ATRN: variants seen among roughly 807,000 people sequenced by gnomAD.
ATRN encodes attractin-2.
Under a neutral mutation model 178.7 loss-of-function variants are expected in ATRN, and 54 were observed. That is an observed-to-expected ratio of 0.30 (90% confidence interval 0.24 to 0.38). ATRN has a LOEUF of 0.38. Ranked by LOEUF, ATRN falls within the 10% of genes least tolerant of loss-of-function variation. ATRN has a pLI of 1.00. For missense variants in ATRN, 1,443 were observed against 1,815.1 expected (o/e 0.79, Z 3.73); for synonymous variants, 636 against 663.0 (o/e 0.96, Z 0.63).
chr20:3,479,291 G>C (rs1237056184), intron 1 of ATRN, among the ~76,000 whole-genome samples: 3 of 152,136 alleles, frequency 2.0e-5, no homozygotes, highest in Non-Finnish European at 4.4e-5. Context: ...AGGATATGAA[G>C]GTGTGTAAGA....
intron 18 of ATRN, among the ~76,000 whole-genome samples, chr20:3,586,135 A>G (rs1388824447): frequency 5.3e-5 from 8 of 152,250 alleles, no homozygotes; most frequent in Admixed American, 3.9e-4. Context: ...TCATAGCATC[A>G]TGCTCAAAGC....
At chr20:3,489,459 G>A (rs2084750350) in intron 1 of ATRN, 1 of 877,616 alleles carries the variant, frequency 1.1e-6, no homozygotes, top group South Asian at 1.3e-5. Flanking sequence ...GAATTTGGTT[G>A]GGAGAAATAG....
chr20:3,524,108 C>A (rs909863784), intron 1 of ATRN, among the ~76,000 whole-genome samples: 2 of 152,018 alleles, frequency 1.3e-5, no homozygotes, highest in Non-Finnish European at 2.9e-5. Context: ...AAGACACAGA[C>A]TGACAAATTG....
intron 23 of ATRN, among the ~76,000 whole-genome samples, chr20:3,601,697 C>CAAAA (rs11475145): frequency 2.4e-5 from 2 of 84,866 alleles, no homozygotes; most frequent in Admixed American, 1.4e-4. Flanking sequence ...ACCCTGTCTA[C>CAAAA]AAAAAAAAAA....
chr20:3,593,286 G>A (rs948929548), intron 19 of ATRN, among the ~76,000 whole-genome samples: 1 of 152,160 alleles, frequency 6.6e-6, no homozygotes, highest in Non-Finnish European at 1.5e-5. Context: ...AAAGCGTGGT[G>A]TTTATAGAAT....
chr20:3,501,222 A>G (rs2084959997), intron 1 of ATRN, among the ~76,000 whole-genome samples: 1 of 152,204 alleles, frequency 6.6e-6, no homozygotes, highest in South Asian at 2.1e-4. Flanking sequence ...AGGTAGAAAC[A>G]GAGAAGTTGT....
At chr20:3,634,174 T>C in intron 25 of ATRN, 137 bp from the exon 26 acceptor site, 1 of 686,220 alleles carries the variant, frequency 1.5e-6, no homozygotes, top group South Asian at 1.9e-5. Flanking sequence ...GCCGGCACAT[T>C]GTTGTGACAA....
intron 1 of ATRN, among the ~76,000 whole-genome samples, chr20:3,523,123 A>G (rs759481192): frequency 6.6e-6 from 1 of 151,998 alleles, no homozygotes; most frequent in Non-Finnish European, 1.5e-5. Context: ...CCTCCAAGCT[A>G]AAGAAGCATG....
intron 1 of ATRN, among the ~76,000 whole-genome samples, chr20:3,527,201 C>G (rs191205828): frequency 3.0e-4 from 45 of 152,208 alleles, no homozygotes; most frequent in African/African-American, 1.1e-3. Context: ...GACTAATACC[C>G]AGAATCTACA....
In ATRN at chr20:3,565,739, C is replaced by T. The variant is rs554850236; in HGVS notation, c.1871+307C>T. Reference sequence around the variant, plus strand: ...CTTGAACCAGGGAGTTGGAGGTTGCCGTGAGACGAGATCGCGCCACAGCAC... The same window carrying T: ...CTTGAACCAGGGAGTTGGAGGTTGCTGTGAGACGAGATCGCGCCACAGCAC... On this transcript the variant is annotated intron_variant, in intron 11 of 28. Transcript: ENST00000262919. Among the ~76,000 whole-genome samples the T allele has an allele frequency of 1.4e-4, 20 of 140,668 alleles. 1 individual carries two copies. The highest frequency in any genetic ancestry group is 6.7e-4 in the South Asian group (3 of 4,488). The allele number at this position is 140,668 out of a possible 152,430, so 92.3% of individuals were successfully genotyped here. A position where few individuals can be genotyped will look rare whatever the true frequency, so the allele number is the denominator to read the frequency against.
At chr20:3,541,434 ATG>A (rs994026753) in intron 3 of ATRN, among the ~76,000 whole-genome samples, 1 of 151,750 alleles carries the variant, frequency 6.6e-6, no homozygotes, top group African/African-American at 2.4e-5. Context: ...GTTTTGAGAA[ATG>A]TGTTATTAGA....
intron 16 of ATRN, among the ~76,000 whole-genome samples, 162 bp downstream of exon 16, chr20:3,582,516 G>A (rs2086295141): frequency 6.6e-6 from 1 of 152,094 alleles, no homozygotes; most frequent in African/African-American, 2.4e-5. Context: ...GAAGCAGAAG[G>A]AAATATTCTG....
At chr20:3,536,874 T>A (rs2085540696) in intron 2 of ATRN, among the ~76,000 whole-genome samples, 1 of 152,220 alleles carries the variant, frequency 6.6e-6, no homozygotes, top group African/African-American at 2.4e-5. Flanking sequence ...ATAGTCTTCT[T>A]TGATACCATA....
chr20:3,561,795 A>G (rs530403607), intron 8 of ATRN, among the ~76,000 whole-genome samples: 34 of 152,326 alleles, frequency 2.2e-4, no homozygotes, highest in Non-Finnish European at 4.1e-4. Flanking sequence ...TGGCACAATC[A>G]TAGCTCACTG....
chr20:3,560,103 T>C (rs1208574211), intron 7 of ATRN, among the ~76,000 whole-genome samples: 1 of 152,110 alleles, frequency 6.6e-6, no homozygotes, highest in Non-Finnish European at 1.5e-5. Flanking sequence ...GTGTACAGTT[T>C]GGTGGTAATA....
intron 18 of ATRN, among the ~76,000 whole-genome samples, chr20:3,588,145 G>A (rs1356936812): frequency 6.6e-6 from 1 of 152,158 alleles, no homozygotes; most frequent in Non-Finnish European, 1.5e-5. Flanking sequence ...ACCACGCCTG[G>A]CCCTTGCCAT....
At chr20:3,498,622 A>G (rs1252655258) in intron 1 of ATRN, among the ~76,000 whole-genome samples, 1 of 152,212 alleles carries the variant, frequency 6.6e-6, no homozygotes, top group East Asian at 1.9e-4. Context: ...GCCTTTGACA[A>G]AATTCAACAG....
At chr20:3,542,251 G>T (rs948839534) in intron 3 of ATRN, among the ~76,000 whole-genome samples, 1 of 152,150 alleles carries the variant, frequency 6.6e-6, no homozygotes, top group African/African-American at 2.4e-5. Context: ...ACTTGTTGGG[G>T]ATTCACTTGT....
rs910354934 is a variant in ATRN, at chr20:3,638,577, T to G, written c.3943-251T>G. ...TCTAAGTCTTCGCTACTGTAAATAG[T>G]GCTGCAATAAACATCGTACGTTAAT... On this transcript the variant is annotated intron_variant, in intron 26 of 28. Coordinates refer to ENST00000262919, the MANE Select transcript of ATRN (RefSeq NM_139321.3). The surrounding 1 kb of genome is among the most constrained non-coding windows in gnomAD (Gnocchi z 4.5). Among the ~76,000 whole-genome samples the G allele has an allele frequency of 1.3e-5, 2 of 152,246 alleles. No homozygotes were observed. The highest frequency in any genetic ancestry group is 4.8e-5 in the African/African-American group (2 of 41,454).
Sources: allele counts gnomAD v4.1 joint callset (sites outside exome capture counted in the v4.1 genomes callset), GRCh38; gene constraint gnomAD v4.1.1; non-coding constraint Gnocchi (gnomAD v3.1); transcripts MANE v1.5; gene names NCBI Gene and HGNC (gene_info 2026-07-23, HGNC 2026-07-21).